The following ZXDC variants were observed in gnomAD, a reference collection of about 807,000 sequenced individuals.
ZXDC encodes the protein zinc finger protein ZXDC.
ZXDC carries 58 observed loss-of-function variants against 63.6 expected under a neutral mutation model. The observed-to-expected ratio is 0.91, with a 90% CI of 0.74 to 1.13. The LOEUF (loss-of-function observed/expected upper bound fraction) is 1.13. Among genes scored for constraint, ZXDC ranks in the 50% most tolerant of loss-of-function variants. ZXDC has a pLI of 0.00. For missense variants in ZXDC, 1,133 were observed against 1,148.9 expected, an observed-to-expected ratio of 0.99 and a Z score of 0.20; for synonymous variants, 561 against 496.1, an observed-to-expected ratio of 1.13 and a Z score of -1.74.
At chr3:126,451,111 T>C (rs1460503735) in intron 7 of ZXDC, 3 of 985,322 alleles carry the variant, frequency 3.0e-6, no homozygotes, top group South Asian at 4.7e-5. Flanking sequence ...CAGTGCTCTA[T>C]TGCTCACCAT....
intron 7 of ZXDC, among the ~76,000 whole-genome samples, chr3:126,445,066 T>G (rs1228458814): frequency 2.0e-5 from 3 of 152,206 alleles, no homozygotes; most frequent in Non-Finnish European, 4.4e-5. Context: ...GGAATTTCTT[T>G]TCAATCCGCA....
At chr3:126,462,325 C>T in intron 5 of ZXDC, 105 bp from the exon 6 acceptor site, 1 of 1,460,526 alleles carries the variant, frequency 6.8e-7, no homozygotes, top group Non-Finnish European at 9.0e-7. Flanking sequence ...GAAGCACTGA[C>T]TGTCCTCTTC....
chr3:126,442,061 A>T, intron 7 of ZXDC, 115 bp from the exon 8 acceptor site: 2 of 1,225,568 alleles, frequency 1.6e-6, no homozygotes, highest in Non-Finnish European at 1.1e-6. Flanking sequence ...CATTCTGCAC[A>T]GCTAAGAGAC....
At chr3:126,471,905 T>C in intron 3 of ZXDC, 68 bp downstream of exon 3, 1 of 1,304,276 alleles carries the variant, frequency 7.7e-7, no homozygotes, top group Non-Finnish European at 1.1e-6. Context: ...ATTTCATTCA[T>C]TGGTTTCTGC....
At chr3:126,463,910 ATTACT>A (rs1160685346) in intron 5 of ZXDC, among the ~76,000 whole-genome samples, 9 of 152,260 alleles carry the variant, frequency 5.9e-5, no homozygotes, top group African/African-American at 1.4e-4. Flanking sequence ...TAGTTGTCAT[ATTACT>A]TTAAAGATTA....
chr3:126,469,379 A>G (rs1333580924), intron 4 of ZXDC, among the ~76,000 whole-genome samples: 1 of 152,132 alleles, frequency 6.6e-6, no homozygotes, highest in East Asian at 1.9e-4. Flanking sequence ...CAAAAACACA[A>G]CATGTCCAAA....
intron 8 of ZXDC, 59 bp from the exon 9 acceptor site, chr3:126,439,786 CGTCTCACCTGAGAA>C: frequency 6.6e-7 from 1 of 1,510,186 alleles, no homozygotes; most frequent in Non-Finnish European, 8.9e-7. Flanking sequence ...CAAAGGTCCT[CGTCTCACCTGAGAA>C]GTCTCCTCCA....
chr3:126,451,956 TGCC>T (rs1223445834), intron 7 of ZXDC: 9 of 985,364 alleles, frequency 9.1e-6, no homozygotes, highest in Non-Finnish European at 9.6e-6. Context: ...AAGGGCAGGC[TGCC>T]CCCACAGCTC....
intron 7 of ZXDC, among the ~76,000 whole-genome samples, chr3:126,449,750 G>A (rs1934023215): frequency 6.6e-6 from 1 of 152,184 alleles, no homozygotes; most frequent in Non-Finnish European, 1.5e-5. Flanking sequence ...TCACCTGACG[G>A]CAACATAGGG....
At chr3:126,471,732 A>G (rs1026895083) in intron 3 of ZXDC, among the ~76,000 whole-genome samples, 1 of 151,958 alleles carries the variant, frequency 6.6e-6, no homozygotes, top group African/African-American at 2.4e-5. Flanking sequence ...TTTTTTTTTA[A>G]GAACAGAGTA....
chr3:126,449,566 G>A (rs898449288), intron 7 of ZXDC, among the ~76,000 whole-genome samples: 1 of 152,246 alleles, frequency 6.6e-6, no homozygotes, highest in South Asian at 2.1e-4. Flanking sequence ...CTGATGCTTT[G>A]AATGTCTCAG....
intron 7 of ZXDC, among the ~76,000 whole-genome samples, chr3:126,452,730 A>G (rs1051210337): frequency 3.4e-5 from 5 of 148,556 alleles, no homozygotes. Context: ...AAGAGTCACC[A>G]ATCTGCAGTT....
intron 7 of ZXDC, chr3:126,453,873 A>G: frequency 1.0e-6 from 1 of 984,624 alleles, no homozygotes; most frequent in Non-Finnish European, 1.2e-6. Context: ...CCTCGCTTTT[A>G]TTTCTTCTTT....
Position 126,474,864 on chromosome 3 carries a change from G to A in ZXDC, c.907+95C>T. 3 of 1,371,204 alleles carry A rather than the reference G, an allele frequency of 2.2e-6. No homozygotes were observed. In the African/African-American group the frequency reaches 4.4e-5, roughly 20 times the overall value. The allele number at this position is 1,371,204 out of a possible 1,614,324, so 84.9% of individuals were successfully genotyped here. On this transcript the variant is annotated intron_variant, in intron 1 of 9. Coordinates refer to ENST00000389709, the MANE Select transcript of ZXDC (RefSeq NM_025112.5). ...CCCGAAGAGCCTGCGTCCCCGGCTT[G>A]CTAAGGTCTGGCAGGCCCCTCTGTG...
chr3:126,451,215 A>C, intron 7 of ZXDC: 1 of 985,338 alleles, frequency 1.0e-6, no homozygotes, highest in Non-Finnish European at 1.2e-6. Context: ...CACAATCTTA[A>C]CACTCAGGAA....
In ZXDC at chr3:126,438,293, G is replaced by A. The variant is rs1933538970; in HGVS notation, c.*82C>T. On this transcript the variant is annotated 3_prime_UTR_variant, in exon 10 of 10. Coordinates refer to ENST00000389709, the MANE Select transcript of ZXDC (RefSeq NM_025112.5). ...GTCTTCTGAACGGAAACCAAATGAG[G>A]TCTCCCCAGGCTCATGTCATGAGTC... is the stretch of plus-strand genomic sequence containing the variant. The A allele has an allele frequency of 1.7e-6, 2 of 1,205,110 alleles. No homozygotes were observed. Among genetic ancestry groups the A allele is most frequent in the Non-Finnish European group, 2.4e-6 (2 of 830,142 alleles). The allele number at this position is 1,205,110 out of a possible 1,614,324, so 74.7% of individuals were successfully genotyped here.
Position 126,475,871 on chromosome 3 carries a change from TC to T in ZXDC, c.-7del. 1.9e-6 allele frequency: 2 copies of T among 1,074,840 alleles called. No homozygotes were observed. The highest frequency in any genetic ancestry group is 2.3e-6 in the Non-Finnish European group (2 of 888,554). The allele number at this position is 1,074,840 out of a possible 1,614,324, so 66.6% of individuals were successfully genotyped here. ...AGCAGCGCCGGGAGGTCCATCTTGG[TC>T]CCAGCGACGGCGTCGGAGCAGCTTC... On this transcript the variant is annotated 5_prime_UTR_variant, in exon 1 of 10. Coordinates refer to ENST00000389709, the MANE Select transcript of ZXDC (RefSeq NM_025112.5).
intron 7 of ZXDC, chr3:126,453,551 C>T: frequency 1.0e-6 from 1 of 985,454 alleles, no homozygotes; most frequent in African/African-American, 1.7e-5. Flanking sequence ...CACATGTAAT[C>T]CACAAGAATC....
rs779427865 is a variant in ZXDC, at chr3:126,438,428, G to A, written c.2524C>T (p.Pro842Ser). The A allele has an allele frequency of 2.5e-6, 4 of 1,613,930 alleles. No individual in the cohort carries two copies. The highest frequency in any genetic ancestry group is 3.4e-6 in the Non-Finnish European group (4 of 1,179,942). ...CTTCCTGGGAACTGGGTGGCCTCCGGTCCAGCAGGGCCTCCAGATGAGGGG... is the reference window on the plus strand; with the variant it reads ...CTTCCTGGGAACTGGGTGGCCTCCGATCCAGCAGGGCCTCCAGATGAGGGG... ...VLPSSGGPAG[P>S]EATQFPGSTI... The change falls in exon 10 of 10, where the codon CCG becomes TCG. Residue 842 changes from proline to serine, a missense_variant. Transcript: ENST00000389709.
Sources: gnomAD v4.1 joint callset for allele counts (sites outside exome capture counted in the v4.1 genomes callset) on GRCh38, gnomAD v4.1.1 for gene constraint, MANE v1.5 for transcripts, NCBI Gene and HGNC (gene_info 2026-07-23, HGNC 2026-07-21) for gene names.